The following RPTOR variants were observed in gnomAD, a reference collection of about 807,000 sequenced individuals.
RPTOR encodes regulatory associated protein of MTOR complex 1.
RPTOR carries 21 observed loss-of-function variants against 169.9 expected under a neutral mutation model. That is an observed-to-expected ratio of 0.12 (90% CI 0.09 to 0.18). The LOEUF is 0.18. Ranked by LOEUF, RPTOR falls within the 10% of genes least tolerant of loss-of-function variation. The pLI, the probability that RPTOR is intolerant of heterozygous loss-of-function variation, is 1.00. For synonymous variants in RPTOR, 732 were observed against 753.2 expected (o/e 0.97, Z 0.46); for missense variants, 1,133 against 1,855.9 (o/e 0.61, Z 7.16).
At chr17:80,904,916 G>T (rs1320381074) in intron 20 of RPTOR, among the ~76,000 whole-genome samples, 1 of 152,170 alleles carries the variant, frequency 6.6e-6, no homozygotes, top group Non-Finnish European at 1.5e-5. Context: ...GCAAAAATTA[G>T]ATTTTTTTTT....
At chr17:80,927,612 GTCTGTCTGTCTGTCTGTCTGTCTCTA>G (rs2068826096) in intron 24 of RPTOR, among the ~76,000 whole-genome samples, 1 of 149,992 alleles carries the variant, frequency 6.7e-6, no homozygotes, top group Non-Finnish European at 1.5e-5. Flanking sequence ...GTGTGTGTCT[GTCTGTCTGTCTGTCTGTCTGTCTCTA>G]TGTGTGTGTG....
At chr17:80,811,795 C>G (rs866343613) in intron 7 of RPTOR, among the ~76,000 whole-genome samples, 28 of 151,148 alleles carry the variant, frequency 1.9e-4, no homozygotes, top group African/African-American at 5.9e-4. Context: ...TCTAACAAGG[C>G]CTAAACCTCA....
intron 25 of RPTOR, among the ~76,000 whole-genome samples, chr17:80,942,947 C>G (rs1216006825): frequency 6.6e-6 from 1 of 152,244 alleles, no homozygotes; most frequent in African/African-American, 2.4e-5. Context: ...ATGGAGGCAC[C>G]ACTAGGGTAA....
At chr17:80,601,033 G>A (rs2065182030) in intron 1 of RPTOR, among the ~76,000 whole-genome samples, 1 of 152,118 alleles carries the variant, frequency 6.6e-6, no homozygotes, top group South Asian at 2.1e-4. Context: ...GGGAAATGGC[G>A]CTCTTGGCTG....
intron 1 of RPTOR, among the ~76,000 whole-genome samples, chr17:80,578,539 T>C (rs1431453293): frequency 6.6e-6 from 1 of 152,062 alleles, no homozygotes; most frequent in Non-Finnish European, 1.5e-5. Flanking sequence ...CATTAGAAGG[T>C]GTATCCACCA....
rs1235421280 is a variant in RPTOR at position 80,731,429 on chromosome 17, C to G, written c.654+723C>G. ...AAAAAAAAAAAATCCCCGAAAACCA[C>G]TAAGCTAAAATGATAGAAAACAAAC... is the stretch of plus-strand genomic sequence containing the variant. On this transcript the variant is annotated intron_variant, in intron 5 of 33. Coordinates refer to ENST00000306801, the MANE Select transcript of RPTOR (RefSeq NM_020761.3). Among the ~76,000 whole-genome samples, 3 of 152,152 alleles carry G rather than the reference C, an allele frequency of 2.0e-5. No homozygotes were observed. In the East Asian group the frequency reaches 5.8e-4, roughly 29 times the overall value.
chr17:80,916,928 C>T (rs189090924), intron 21 of RPTOR, among the ~76,000 whole-genome samples: 3 of 152,088 alleles, frequency 2.0e-5, no homozygotes, highest in South Asian at 4.2e-4. Flanking sequence ...ACGGAGATTG[C>T]GGTGAGCCAA....
At chr17:80,561,461 C>T (rs192813553) in intron 1 of RPTOR, among the ~76,000 whole-genome samples, 261 of 150,720 alleles carry the variant, frequency 1.7e-3, no homozygotes, top group African/African-American at 6.0e-3. Context: ...GGCAGGGTCT[C>T]ACTGTGTCAC....
chr17:80,755,402 G>A (rs1417502570), intron 6 of RPTOR, among the ~76,000 whole-genome samples: 5 of 152,048 alleles, frequency 3.3e-5, no homozygotes, highest in Non-Finnish European at 2.9e-5. Flanking sequence ...GGAGTTTTGA[G>A]ACCAGCCTGG....
rs1491261376 is a variant in RPTOR at position 80,634,264 on chromosome 17, C to CATGTGTGTGCATACT, written c.265+8471_265+8472insATGTGTGTGCATACT. On this transcript the variant is annotated intron_variant, in intron 2 of 33. Coordinates refer to ENST00000306801, the MANE Select transcript of RPTOR (RefSeq NM_020761.3). Reference sequence around the variant, plus strand: ...GCGTGCATACTGTATGCGTGCATACCGTGTGTGTGCGTACTGTGTGTGTGC... The same window carrying CATGTGTGTGCATACT: ...GCGTGCATACTGTATGCGTGCATACCATGTGTGTGCATACTGTGTGTGTGCGTACTGTGTGTGTGC... 4.8e-4 allele frequency among the ~76,000 whole-genome samples: 21 copies of CATGTGTGTGCATACT among 43,942 alleles called. 1 individual carries two copies. The highest frequency in any genetic ancestry group is 1.8e-3 in the African/African-American group (20 of 10,814). The allele number at this position is 43,942 out of a possible 152,430, so 28.8% of individuals were successfully genotyped here.
chr17:80,551,436 A>C (rs1376749304), intron 1 of RPTOR, among the ~76,000 whole-genome samples: 1 of 152,112 alleles, frequency 6.6e-6, no homozygotes, highest in Non-Finnish European at 1.5e-5. Context: ...TCACAAGACA[A>C]TAGTGGGGAG....
chr17:80,874,444 C>G (rs2068084549), intron 13 of RPTOR, among the ~76,000 whole-genome samples: 2 of 152,306 alleles, frequency 1.3e-5, no homozygotes, highest in South Asian at 4.1e-4. Context: ...ATCCACCCGC[C>G]TCGGCCTCCC....
chr17:80,680,264 A>T (rs550032583), intron 3 of RPTOR, among the ~76,000 whole-genome samples: 58 of 152,204 alleles, frequency 3.8e-4, no homozygotes, highest in Non-Finnish European at 6.5e-4. Context: ...TTTCTTGTTG[A>T]CTTATTCCGT....
intron 3 of RPTOR, among the ~76,000 whole-genome samples, chr17:80,674,585 C>T (rs974939647): frequency 1.3e-5 from 2 of 152,088 alleles, no homozygotes; most frequent in Non-Finnish European, 2.9e-5. Context: ...AATCTCGCCA[C>T]CACGCCCAGA....
At chr17:80,643,687 T>C in intron 2 of RPTOR, 41 bp from the exon 3 acceptor site, 1 of 1,485,336 alleles carries the variant, frequency 6.7e-7, no homozygotes, top group Non-Finnish European at 9.3e-7. Flanking sequence ...GAGGAGGAAA[T>C]GCAGACGTAA....
At chr17:80,546,419 G>C (rs944037924) in intron 1 of RPTOR, among the ~76,000 whole-genome samples, 1 of 152,138 alleles carries the variant, frequency 6.6e-6, no homozygotes, top group Non-Finnish European at 1.5e-5. Flanking sequence ...TCGAGACTTG[G>C]GTGCAGGTTT....
intron 3 of RPTOR, among the ~76,000 whole-genome samples, chr17:80,675,143 C>G (rs775778905): frequency 7.2e-5 from 11 of 152,104 alleles, no homozygotes; most frequent in Admixed American, 6.5e-4. Context: ...TTTTTTCTTA[C>G]AAATTCTGTA....
chr17:80,875,006 G>C (rs2068091104), intron 13 of RPTOR, among the ~76,000 whole-genome samples: 1 of 152,190 alleles, frequency 6.6e-6, no homozygotes, highest in African/African-American at 2.4e-5. Flanking sequence ...CGCGTGGTAG[G>C]GTGTTCGCGT....
chr17:80,601,172 G>A (rs1212374508), intron 1 of RPTOR, among the ~76,000 whole-genome samples: 1 of 152,220 alleles, frequency 6.6e-6, no homozygotes, highest in Non-Finnish European at 1.5e-5. Flanking sequence ...ACTGTCAGCC[G>A]CCAGATGTGT....
Sources: allele counts gnomAD v4.1 joint callset (sites outside exome capture counted in the v4.1 genomes callset), GRCh38; gene constraint gnomAD v4.1.1; transcripts MANE v1.5; gene names NCBI Gene and HGNC (gene_info 2026-07-23, HGNC 2026-07-21).